Variants in TRPC5 observed in about 807,000 individuals in gnomAD.
TRPC5 encodes transient receptor potential cation channel subfamily C member 5, also known as short transient receptor potential channel 5.
TRPC5 carries 9 observed loss-of-function variants against 56.5 expected under a neutral mutation model. The observed-to-expected ratio is 0.16, with a 90% CI of 0.10 to 0.28. The LOEUF (loss-of-function observed/expected upper bound fraction) is 0.28, where lower values mean the gene tolerates loss of function less well. Ranked by LOEUF, TRPC5 falls within the 10% of genes least tolerant of loss-of-function variation. The pLI is 1.00. For missense variants in TRPC5, 469 were observed against 748.9 expected, an observed-to-expected ratio of 0.63 and a Z score of 4.36; for synonymous variants, 282 against 278.5, an observed-to-expected ratio of 1.01 and a Z score of -0.13.
chrX:112,078,227 G>A (rs2147750996), intron 1 of TRPC5, among the ~76,000 whole-genome samples: 1 of 111,921 alleles, frequency 8.9e-6, no homozygotes, highest in East Asian at 2.8e-4. Context: ...GAGTGTGTGT[G>A]TGTTAGGGGG....
intron 1 of TRPC5, among the ~76,000 whole-genome samples, chrX:112,075,227 G>A (rs1191265178): frequency 8.9e-6 from 1 of 111,981 alleles, no homozygotes; most frequent in Non-Finnish European, 1.9e-5. Context: ...AAACTTTCAG[G>A]CCACGTTCAG....
At chrX:112,029,329 C>A (rs1285764122) in intron 1 of TRPC5, among the ~76,000 whole-genome samples, 1 of 112,189 alleles carries the variant, frequency 8.9e-6, no homozygotes, top group African/African-American at 3.2e-5. Flanking sequence ...GGATCTCATT[C>A]TTTTTTTCTG....
At chrX:111,873,325 A>T (rs1020613230) in intron 3 of TRPC5, among the ~76,000 whole-genome samples, 2 of 111,561 alleles carry the variant, frequency 1.8e-5, no homozygotes, top group Admixed American at 9.5e-5. Context: ...TAAAGATGGG[A>T]ACAATAGACA....
chrX:112,033,410 G>T (rs999917605), intron 1 of TRPC5, among the ~76,000 whole-genome samples: 17 of 107,920 alleles, frequency 1.6e-4, no homozygotes, highest in Non-Finnish European at 3.3e-4. Context: ...TGAGTAGCAG[G>T]AGTTCTTTAT....
At chrX:111,939,326 TC>T (rs1926701218) in intron 2 of TRPC5, among the ~76,000 whole-genome samples, 1 of 111,472 alleles carries the variant, frequency 9.0e-6, no homozygotes, top group Admixed American at 9.6e-5. Flanking sequence ...GATTTTTGCG[TC>T]AATATTCCTC....
chrX:111,978,100 A>C (rs1301047515), intron 1 of TRPC5, among the ~76,000 whole-genome samples: 1 of 112,217 alleles, frequency 8.9e-6, no homozygotes, highest in Non-Finnish European at 1.9e-5. Flanking sequence ...AAGATCCACC[A>C]ATCCCACTTT....
intron 7 of TRPC5, among the ~76,000 whole-genome samples, chrX:111,816,382 G>T (rs1179917705): frequency 1.8e-5 from 2 of 111,732 alleles, no homozygotes; most frequent in Non-Finnish European, 3.8e-5. Context: ...TAAACAATGG[G>T]CCTTAATTAT....
chrX:112,013,011 G>A (rs767716457), intron 1 of TRPC5, among the ~76,000 whole-genome samples: 6 of 111,913 alleles, frequency 5.4e-5, no homozygotes, highest in Non-Finnish European at 7.5e-5. Context: ...GCCGGGTGCT[G>A]GAAATTGATC....
chrX:111,834,852 T>A, intron 7 of TRPC5, 69 bp downstream of exon 7: 1 of 836,762 alleles, frequency 1.2e-6, no homozygotes, highest in Admixed American at 2.9e-5. Context: ...GAGCTTCTAA[T>A]GAACTCTATG....
At chrX:111,973,979 G>A (rs1927852720) in intron 1 of TRPC5, among the ~76,000 whole-genome samples, 1 of 111,595 alleles carries the variant, frequency 9.0e-6, no homozygotes, top group African/African-American at 3.3e-5. Context: ...CGACAGTTTA[G>A]AATTAAAGAA....
intron 2 of TRPC5, among the ~76,000 whole-genome samples, chrX:111,933,936 C>G (rs1926491429): frequency 9.1e-6 from 1 of 110,478 alleles, no homozygotes; most frequent in Non-Finnish European, 1.9e-5. Context: ...TTATGGGGTA[C>G]AGTGTGATCT....
chrX:112,037,635 T>C (rs1242593563), intron 1 of TRPC5, among the ~76,000 whole-genome samples: 1 of 111,808 alleles, frequency 8.9e-6, no homozygotes, highest in Admixed American at 9.5e-5. Flanking sequence ...TTCCCTCTGC[T>C]CTGGGTCTAT....
chrX:111,963,989 G>T (rs922486513), intron 1 of TRPC5, among the ~76,000 whole-genome samples: 1 of 112,121 alleles, frequency 8.9e-6, no homozygotes, highest in Non-Finnish European at 1.9e-5. Flanking sequence ...ACTTTGACGA[G>T]TTGAGAGAGG....
At position 111,943,518 on chromosome X, in the gene TRPC5, C is replaced by T. The variant is rs182124356; in HGVS notation, c.378+8525G>A. On this transcript the variant is annotated intron_variant, in intron 2 of 10. Coordinates refer to ENST00000262839, the MANE Select transcript of TRPC5 (RefSeq NM_012471.3). ...TTGAGATTTAATCTCTCTAGCTCAT[C>T]TGTGAGACCAATTTTAATTTTGAGC... Among the ~76,000 whole-genome samples, 434 of 112,194 alleles carry T rather than the reference C, an allele frequency of 3.9e-3. 2 individuals carry two copies. Among genetic ancestry groups the T allele is most frequent in the African/African-American group, 0.013 (408 of 30,894 alleles).
At chrX:111,809,051 C>T (rs1921614722) in intron 7 of TRPC5, among the ~76,000 whole-genome samples, 2 of 109,536 alleles carry the variant, frequency 1.8e-5, no homozygotes, top group African/African-American at 6.6e-5. Context: ...CTTGTTTCTT[C>T]CCTCTCTGCT....
rs760694250 is a variant in TRPC5 at position 111,885,542 on chromosome X, GTT to G, written c.900+26747_900+26748del. On this transcript the variant is annotated intron_variant, in intron 3 of 10. Coordinates refer to ENST00000262839, the MANE Select transcript of TRPC5 (RefSeq NM_012471.3). The stretch of plus-strand genomic sequence containing the variant: ...ATTGGTTGGCCACTCTAATCAAAGG[GTT>G]TTTTTTTTTTTTTAAAAAAAGAAAA... Among the ~76,000 whole-genome samples, 90 of 97,824 alleles carry G rather than the reference GTT, an allele frequency of 9.2e-4. No individual in the cohort carries two copies. In the East Asian group the frequency reaches 0.022, roughly 24 times the overall value. The allele number at this position is 97,824 out of a possible 115,157, so 84.9% of individuals were successfully genotyped here.
chrX:111,990,739 G>C (rs1043214651), intron 1 of TRPC5, among the ~76,000 whole-genome samples: 2 of 111,654 alleles, frequency 1.8e-5, no homozygotes, highest in African/African-American at 6.5e-5. Context: ...CTATGTCTGG[G>C]CATCAGTGGA....
intron 1 of TRPC5, among the ~76,000 whole-genome samples, chrX:111,956,779 C>T (rs1927247075): frequency 9.0e-6 from 1 of 111,606 alleles, no homozygotes; most frequent in South Asian, 3.8e-4. Flanking sequence ...ACCCCCAGCC[C>T]AATGAAAAAG....
intron 1 of TRPC5, among the ~76,000 whole-genome samples, chrX:111,955,819 C>G (rs1927219566): frequency 8.9e-6 from 1 of 112,001 alleles, no homozygotes; most frequent in Admixed American, 9.5e-5. Context: ...TCCCCATGAC[C>G]CTTTACCTTT....
Sources: allele counts gnomAD v4.1 joint callset (sites outside exome capture counted in the v4.1 genomes callset), GRCh38; gene constraint gnomAD v4.1.1; transcripts MANE v1.5; gene names NCBI Gene and HGNC (gene_info 2026-07-23, HGNC 2026-07-21).